The following SS18 variants were observed in gnomAD, a reference collection of about 807,000 sequenced individuals.
The protein encoded by SS18 is SS18 subunit of BAF chromatin remodeling complex, also known as protein SSXT.
Under a neutral mutation model 72.5 loss-of-function variants are expected in SS18, and 28 were observed. The ratio of observed to expected loss-of-function variants is 0.39; its 90% confidence interval spans 0.29 to 0.53. The LOEUF (loss-of-function observed/expected upper bound fraction) is 0.53. SS18 is among the 20% of genes least tolerant of loss of function. The pLI is 0.76. For missense variants in SS18, 518 were observed against 535.3 expected (o/e 0.97, Z 0.32); for synonymous variants, 172 against 164.2 (o/e 1.05, Z -0.37).
chr18:26,065,852 T>C (rs1461889930), intron 3 of SS18, among the ~76,000 whole-genome samples: 1 of 131,950 alleles, frequency 7.6e-6, no homozygotes, highest in Non-Finnish European at 1.6e-5. Flanking sequence ...AAGCCCTTTT[T>C]TTCAGTCTAC....
At chr18:26,030,322 T>G (rs546867171) in intron 10 of SS18, among the ~76,000 whole-genome samples, 3 of 152,216 alleles carry the variant, frequency 2.0e-5, no homozygotes, top group African/African-American at 7.2e-5. Context: ...CTGGCTAATA[T>G]TGGCTCATCC....
chr18:26,019,391 A>G (rs763530549), intron 10 of SS18, among the ~76,000 whole-genome samples: 1 of 152,126 alleles, frequency 6.6e-6, no homozygotes, highest in African/African-American at 2.4e-5. Context: ...AACATTCTAG[A>G]CTTGAAATAC....
intron 5 of SS18, among the ~76,000 whole-genome samples, chr18:26,042,533 T>C (rs1273516903): frequency 6.6e-6 from 1 of 152,084 alleles, no homozygotes. Context: ...CATCCTTTAT[T>C]TTAAACACAT....
rs1006637035 is a variant in SS18, at chr18:26,044,970, G to T, written c.608-5514C>A. Among the ~76,000 whole-genome samples, 4 of 152,160 alleles carry T rather than the reference G, an allele frequency of 2.6e-5. No individual in the cohort carries two copies. In the South Asian group the frequency reaches 8.3e-4, roughly 31 times the overall value. On this transcript the variant is annotated intron_variant, in intron 5 of 10. Transcript: ENST00000415083. ...AACACATAGTGACTGTTCAAGGAGA[G>T]GACAACACAAACTTTGCATTTGTCC...
chr18:26,029,630 G>A (rs1308545647), intron 10 of SS18, among the ~76,000 whole-genome samples: 1 of 152,132 alleles, frequency 6.6e-6, no homozygotes, highest in African/African-American at 2.4e-5. Flanking sequence ...ACTGTTTACT[G>A]GATAGCAAGG....
In SS18 at chr18:26,065,506, T is replaced by C. The variant is rs114774824; in HGVS notation, c.232-7764A>G. ...GCGAAAAGAAGAAACTTGAGTCCTA[T>C]CTCAGATTATATACAAATTTAATTT... On this transcript the variant is annotated intron_variant, in intron 3 of 10. Transcript: ENST00000415083. 2.8e-3 allele frequency among the ~76,000 whole-genome samples: 421 copies of C among 152,188 alleles called. 2 individuals are homozygous for C. Among genetic ancestry groups the C allele is most frequent in the Middle Eastern group, 0.01 (3 of 294 alleles).
chr18:26,040,865 C>G (rs1288019965), intron 5 of SS18, among the ~76,000 whole-genome samples: 1 of 152,092 alleles, frequency 6.6e-6, no homozygotes, highest in Middle Eastern at 3.2e-3. Context: ...GACAAACTGG[C>G]TGGGTGAGAG....
chr18:26,085,564 A>C (rs2144184256), intron 2 of SS18, among the ~76,000 whole-genome samples: 1 of 152,296 alleles, frequency 6.6e-6, no homozygotes, highest in East Asian at 1.9e-4. Context: ...AATATTAAAA[A>C]CAACAATATC....
intron 3 of SS18, chr18:26,068,273 C>G (rs936675145): frequency 3.5e-4 from 53 of 151,802 alleles, no homozygotes; most frequent in Admixed American, 2.6e-3. Flanking sequence ...CTTTTTTTTA[C>G]TGTAATTAAA....
intron 5 of SS18, among the ~76,000 whole-genome samples, chr18:26,041,943 C>T (rs762406077): frequency 5.3e-5 from 8 of 152,028 alleles, no homozygotes; most frequent in Non-Finnish European, 1.2e-4. Context: ...CTCAGAGGAT[C>T]CCAACATCAT....
At chr18:26,055,793 C>G (rs1397036766) in intron 4 of SS18, among the ~76,000 whole-genome samples, 1 of 139,002 alleles carries the variant, frequency 7.2e-6, no homozygotes, top group Non-Finnish European at 1.5e-5. Context: ...GAGTCTCACT[C>G]TGTCGCCAGG....
chr18:26,038,140 C>G (rs13381682), intron 7 of SS18, among the ~76,000 whole-genome samples: 14,097 of 151,936 alleles, frequency 0.093, 982 homozygotes, highest in African/African-American at 0.17. Flanking sequence ...GGAAAAATAA[C>G]TTGAGAACTA....
At chr18:26,080,610 T>C (rs1442364706) in intron 2 of SS18, among the ~76,000 whole-genome samples, 1 of 152,214 alleles carries the variant, frequency 6.6e-6, no homozygotes, top group Non-Finnish European at 1.5e-5. Context: ...GTAGTTTCAT[T>C]TTAAGACATT....
At chr18:26,090,998 A>G, upstream of SS18, 1 of 221,232 alleles carries the variant, frequency 4.5e-6, no homozygotes, top group South Asian at 6.9e-5. Flanking sequence ...CGCCGTGGCA[A>G]CTTGCCTCCC....
intron 3 of SS18, among the ~76,000 whole-genome samples, chr18:26,075,487 T>A (rs1294157681): frequency 6.6e-6 from 1 of 151,948 alleles, no homozygotes; most frequent in African/African-American, 2.4e-5. Flanking sequence ...AGTCTTATAA[T>A]CATCTCATTC....
At chr18:26,040,466 C>G (rs900417396) in intron 5 of SS18, among the ~76,000 whole-genome samples, 1 of 152,118 alleles carries the variant, frequency 6.6e-6, no homozygotes, top group African/African-American at 2.4e-5. Context: ...CCTCCTCCCC[C>G]TTGAGTGACA....
At chr18:26,025,698 A>C (rs1292714793) in intron 10 of SS18, among the ~76,000 whole-genome samples, 2 of 152,162 alleles carry the variant, frequency 1.3e-5, no homozygotes, top group Non-Finnish European at 2.9e-5. Flanking sequence ...TAATTTAAAA[A>C]TTTCTCACAA....
At chr18:26,066,555 T>C (rs1286078427) in intron 3 of SS18, among the ~76,000 whole-genome samples, 1 of 151,942 alleles carries the variant, frequency 6.6e-6, no homozygotes, top group Non-Finnish European at 1.5e-5. Flanking sequence ...CCTAGCATTT[T>C]TGCAAGTTAC....
At chr18:26,076,393 T>C (rs570566501) in intron 3 of SS18, among the ~76,000 whole-genome samples, 5 of 151,750 alleles carry the variant, frequency 3.3e-5, no homozygotes, top group African/African-American at 7.2e-5. Flanking sequence ...TGATACAACA[T>C]AGATTGCATG....
Sources: allele counts gnomAD v4.1 joint callset (sites outside exome capture counted in the v4.1 genomes callset), GRCh38; gene constraint gnomAD v4.1.1; transcripts MANE v1.5; gene names NCBI Gene and HGNC (gene_info 2026-07-23, HGNC 2026-07-21).